The following SYN3 variants were observed in gnomAD, a reference collection of about 807,000 sequenced individuals.
SYN3 encodes synapsin III.
In SYN3, 35 loss-of-function variants were observed where a neutral mutation model predicts 65.8. The ratio of observed to expected loss-of-function variants is 0.53; its 90% CI spans 0.41 to 0.70. The LOEUF (loss-of-function observed/expected upper bound fraction) is 0.70, where lower values mean the gene tolerates loss of function less well. Among genes scored for constraint, SYN3 ranks in the 30% least tolerant of loss-of-function variants. The pLI is 0.00. For missense variants in SYN3, 680 were observed against 749.0 expected, an observed-to-expected ratio of 0.91 and a Z score of 1.08; for synonymous variants, 270 against 292.9, an observed-to-expected ratio of 0.92 and a Z score of 0.80.
At chr22:32,554,489 C>T (rs1601622103) in intron 7 of SYN3, among the ~76,000 whole-genome samples, 1 of 152,136 alleles carries the variant, frequency 6.6e-6, no homozygotes, top group African/African-American at 2.4e-5. Flanking sequence ...CCTTCAGTGT[C>T]TTGCTAGGGA....
intron 4 of SYN3, among the ~76,000 whole-genome samples, chr22:32,907,021 T>C (rs759000761): frequency 3.3e-5 from 5 of 152,226 alleles, no homozygotes; most frequent in Non-Finnish European, 7.3e-5. Context: ...GGGTGTATAC[T>C]CAATAGTGGG....
chr22:32,628,711 G>A (rs958887704), intron 6 of SYN3, among the ~76,000 whole-genome samples: 3 of 151,776 alleles, frequency 2.0e-5, no homozygotes, highest in South Asian at 2.1e-4. Flanking sequence ...TCATGCCATC[G>A]CACTCCAGCC....
intron 3 of SYN3, among the ~76,000 whole-genome samples, chr22:32,971,600 G>C (rs2052022465): frequency 6.6e-6 from 1 of 152,208 alleles, no homozygotes; most frequent in Admixed American, 6.5e-5. Context: ...CTGTAACCAG[G>C]AAAGCATTCT....
At chr22:32,556,446 T>C (rs1385254575) in intron 7 of SYN3, among the ~76,000 whole-genome samples, 1 of 152,136 alleles carries the variant, frequency 6.6e-6, no homozygotes, top group African/African-American at 2.4e-5. Context: ...AAACATACGA[T>C]CCAATCTAGA....
chr22:32,512,641 T>TACAA lies in SYN3; in HGVS notation c.*1047_*1050dup, dbSNP rs757303324. On this transcript the variant is annotated 3_prime_UTR_variant, in exon 14 of 14. Transcript: ENST00000358763. ...TACAATGCGTCTCCAAAAAAAGAAA[T>TACAA]ACAAACAGCGGTTCCTAAACATATT... The TACAA allele has an allele frequency of 6.6e-6, 1 of 152,232 alleles. No homozygotes were observed. The highest frequency in any genetic ancestry group is 1.5e-5 in the Non-Finnish European group (1 of 68,042). 9.4% of individuals were successfully genotyped at this position (152,232 alleles called of 1,614,324 possible). A position where few individuals can be genotyped will look rare whatever the true frequency, so the allele number is the denominator to read the frequency against.
intron 3 of SYN3, among the ~76,000 whole-genome samples, chr22:32,978,631 G>GT: frequency 6.6e-6 from 1 of 152,260 alleles, no homozygotes; most frequent in Non-Finnish European, 1.5e-5. Flanking sequence ...TCAGTTGACT[G>GT]TGACCTCTGC....
chr22:33,005,910 T>C lies in SYN3; in HGVS notation c.311+442A>G, dbSNP rs541809091. On this transcript the variant is annotated intron_variant, in intron 2 of 13. Transcript: ENST00000358763. Reference sequence around the variant, plus strand: ...TTCCATTTTTAGGAAGGTAATATGGTGAATATACCATATTTTATATAACAC... The same window carrying C: ...TTCCATTTTTAGGAAGGTAATATGGCGAATATACCATATTTTATATAACAC... 5.3e-5 allele frequency among the ~76,000 whole-genome samples: 8 copies of C among 152,302 alleles called. No homozygotes were observed. In the East Asian group the frequency reaches 1.3e-3, roughly 26 times the overall value.
At chr22:32,762,189 A>G (rs1207085153) in intron 6 of SYN3, among the ~76,000 whole-genome samples, 2 of 152,176 alleles carry the variant, frequency 1.3e-5, no homozygotes, top group African/African-American at 2.4e-5. Flanking sequence ...CCCTGTCCAT[A>G]CATCCTTCCT....
At chr22:32,713,576 A>G (rs1390965390) in intron 6 of SYN3, among the ~76,000 whole-genome samples, 1 of 152,168 alleles carries the variant, frequency 6.6e-6, no homozygotes, top group African/African-American at 2.4e-5. Context: ...CACGCCTGTA[A>G]TCCCAGCACT....
intron 6 of SYN3, among the ~76,000 whole-genome samples, chr22:32,621,297 C>CTCTT (rs1555910157): frequency 5.7e-5 from 8 of 140,972 alleles, no homozygotes; most frequent in African/African-American, 2.1e-4. Context: ...TAACTTTTGC[C>CTCTT]TTTTTTTTTT....
At chr22:33,033,158 T>G (rs907404529) in intron 1 of SYN3, among the ~76,000 whole-genome samples, 23 of 152,000 alleles carry the variant, frequency 1.5e-4, no homozygotes, top group African/African-American at 5.6e-4. Flanking sequence ...TTTTTTGTAT[T>G]TTTAGTAGAG....
rs1309141277 is a variant in SYN3, at chr22:32,513,024, G to A, written c.*668C>T. 1 of 152,030 alleles carries A rather than the reference G, an allele frequency of 6.6e-6. No homozygotes were observed. Among genetic ancestry groups the A allele is most frequent in the Non-Finnish European group, 1.5e-5 (1 of 68,014 alleles). The allele number at this position is 152,030 out of a possible 1,614,324, so 9.4% of individuals were successfully genotyped here. The stretch of plus-strand genomic sequence containing the variant: ...TCTGAGTATGAGTGGCATTACAAGG[G>A]CCCCCCTGTTTCTGTCGTGTTCTGA... On this transcript the variant is annotated 3_prime_UTR_variant, in exon 14 of 14. Coordinates refer to ENST00000358763, the MANE Select transcript of SYN3 (RefSeq NM_003490.4).
At chr22:32,913,027 A>G (rs1411654558) in intron 4 of SYN3, among the ~76,000 whole-genome samples, 3 of 149,924 alleles carry the variant, frequency 2.0e-5, no homozygotes, top group Non-Finnish European at 3.0e-5. Context: ...GTTCGATTAT[A>G]AAAACTATAC....
intron 6 of SYN3, among the ~76,000 whole-genome samples, chr22:32,792,529 C>T (rs1443076779): frequency 6.6e-6 from 1 of 152,132 alleles, no homozygotes; most frequent in Non-Finnish European, 1.5e-5. Context: ...AGTATGCCAC[C>T]AGCTTGCCTC....
At position 32,517,941 on chromosome 22, in the gene SYN3, G is replaced by A. The variant is rs145956473; in HGVS notation, c.1610+102C>T. ...CTATTTGAAGTCTAGGCAAGGCCTC[G>A]TTGGGTCTTCCTTTGTCTCCAAGTC... On this transcript the variant is annotated intron_variant, in intron 13 of 13. Coordinates refer to ENST00000358763, the MANE Select transcript of SYN3 (RefSeq NM_003490.4). 5.9e-4 allele frequency: 759 copies of A among 1,293,740 alleles called. 4 individuals are homozygous for A. The African/African-American group carries it at 0.01, about 18-fold the overall frequency. 80.1% of individuals were successfully genotyped at this position (1,293,740 alleles called of 1,614,324 possible). A position where few individuals can be genotyped will look rare whatever the true frequency, so the allele number is the denominator to read the frequency against.
chr22:32,604,920 G>A (rs2146646525), intron 6 of SYN3, among the ~76,000 whole-genome samples: 2 of 151,652 alleles, frequency 1.3e-5, no homozygotes, highest in South Asian at 4.2e-4. Flanking sequence ...GCGGGAGAAT[G>A]GTGTGAACCC....
In SYN3 at chr22:32,630,431, T is replaced by C. The variant is rs192040074; in HGVS notation, c.712-33695A>G. On this transcript the variant is annotated intron_variant, in intron 6 of 13. Transcript: ENST00000358763. ...ATTGTGATATTTAAGTAAATGAATA[T>C]CAATGTAAATAAATTCATGATGAGC... Among the ~76,000 whole-genome samples, 126 of 152,318 alleles carry C rather than the reference T, an allele frequency of 8.3e-4. 1 individual carries two copies. In the East Asian group the frequency reaches 0.02, roughly 24 times the overall value.
chr22:32,928,927 T>C (rs2050552406), intron 4 of SYN3, among the ~76,000 whole-genome samples: 2 of 152,210 alleles, frequency 1.3e-5, no homozygotes, highest in Admixed American at 6.5e-5. Context: ...TCTAATGTGA[T>C]GTTAAACACA....
chr22:32,696,656 C>T (rs1448329523), intron 6 of SYN3, among the ~76,000 whole-genome samples: 3 of 152,148 alleles, frequency 2.0e-5, no homozygotes, highest in African/African-American at 7.2e-5. Context: ...AGAGCAGATG[C>T]TTAATAAATG....
Sources: allele counts gnomAD v4.1 joint callset (sites outside exome capture counted in the v4.1 genomes callset), GRCh38; gene constraint gnomAD v4.1.1; transcripts MANE v1.5; gene names NCBI Gene and HGNC (gene_info 2026-07-23, HGNC 2026-07-21).